The following DISP2 variants were observed in gnomAD, a reference collection of about 807,000 sequenced individuals.
DISP2 encodes the protein protein dispatched homolog 2.
A neutral mutation model predicts 95.5 loss-of-function variants in DISP2; 59 were observed. The observed-to-expected ratio is 0.62, with a 90% CI of 0.50 to 0.77. The LOEUF (loss-of-function observed/expected upper bound fraction) is 0.77, where lower values mean the gene tolerates loss of function less well. DISP2 is among the 30% of genes least tolerant of loss of function. The probability of loss-of-function intolerance (pLI) is 0.00; values close to 1 mark genes in which losing one functional copy is unlikely to be tolerated. For synonymous variants in DISP2, 827 were observed against 815.0 expected (o/e 1.01, Z -0.25); for missense variants, 1,752 against 1,854.6 (o/e 0.94, Z 1.02).
chr15:40,368,376 A>T lies in DISP2; in HGVS notation c.2264A>T (p.Gln755Leu). The T allele has an allele frequency of 6.2e-7, 1 of 1,607,194 alleles. No homozygotes were observed. The highest frequency in any genetic ancestry group is 8.5e-7 in the Non-Finnish European group (1 of 1,179,656). ...GAGCGCTTCGACGCGGAGTATCGCCAGCTGTTCCTGTTCGAGCAGCTGCCG... is the reference window on the plus strand; with the variant it reads ...GAGCGCTTCGACGCGGAGTATCGCCTGCTGTTCCTGTTCGAGCAGCTGCCG... Reference protein sequence around the residue: ...PFERFDAEYRQLFLFEQLPQG... With the variant: ...PFERFDAEYRLLFLFEQLPQG... The change falls in exon 8 of 8, where the codon CAG becomes CTG. Residue 755 changes from glutamine (Q) to leucine (L), a missense_variant. By Grantham distance (113) the Gln-to-Leu change is moderately radical. This residue lies in a region of DISP2 where 732 missense variants were observed against 714.6 expected (regional missense o/e 1.02). Coordinates refer to ENST00000267889, the MANE Select transcript of DISP2 (RefSeq NM_033510.3).
chr15:40,361,837 A>G (rs7165012), intron 1 of DISP2, among the ~76,000 whole-genome samples: 91,892 of 152,110 alleles, frequency 0.6, 28,288 homozygotes, highest in East Asian at 0.82. Flanking sequence ...CATAGGTCTG[A>G]CTCTCCTTGG....
Position 40,361,344 on chromosome 15 carries a change from T to C in DISP2, c.120-2281T>C, listed in dbSNP as rs999096782. ...GGACAAATTGTAAATACAAACACAC[T>C]TCTAAAAGTATATGCTCCCTGCTGC... On this transcript the variant is annotated intron_variant, in intron 1 of 7. Transcript: ENST00000267889. 1.2e-4 allele frequency among the ~76,000 whole-genome samples: 19 copies of C among 152,312 alleles called. 1 individual carries two copies. The East Asian group carries it at 2.1e-3, about 17-fold the overall frequency.
In DISP2 at chr15:40,372,401, CTCCAAGTAGCCCATGAGAAGTGG is replaced by C. The variant is rs1466201784; in HGVS notation, c.*2084_*2106del. On this transcript the variant is annotated 3_prime_UTR_variant, in exon 8 of 8. Transcript: ENST00000267889. ...TTTTATTATTGAGACCTACTTCCTA[CTCCAAGTAGCCCATGAGAAGTGG>C]AGCAGAAACCGAAAAGAGACATGGG... 2 of 152,188 alleles carry C rather than the reference CTCCAAGTAGCCCATGAGAAGTGG, an allele frequency of 1.3e-5. No individual in the cohort carries two copies. The highest frequency in any genetic ancestry group is 1.3e-4 in the Admixed American group (2 of 15,280). 9.4% of individuals were successfully genotyped at this position (152,188 alleles called of 1,614,324 possible). A position where few individuals can be genotyped will look rare whatever the true frequency, so the allele number is the denominator to read the frequency against.
chr15:40,366,394 G>GA (rs1032693972), intron 7 of DISP2, among the ~76,000 whole-genome samples: 24 of 152,166 alleles, frequency 1.6e-4, no homozygotes, highest in Admixed American at 4.6e-4. Flanking sequence ...GATAGAAGTT[G>GA]AAAAAATACA....
chr15:40,367,697 T>G lies in DISP2; in HGVS notation c.1585T>G (p.Phe529Val). 1 of 1,613,870 alleles carries G rather than the reference T, an allele frequency of 6.2e-7. No individual in the cohort carries two copies. Among genetic ancestry groups the G allele is most frequent in the Non-Finnish European group, 8.5e-7 (1 of 1,180,030 alleles). Reference sequence around the variant, plus strand: ...GCTGGGCTCACTGCTGGTGGCCTTCTTCCTTTACCAGGTGGCCTTCCGCAT... The same window carrying G: ...GCTGGGCTCACTGCTGGTGGCCTTCGTCCTTTACCAGGTGGCCTTCCGCAT... ...GVLGSLLVAFFLYQVAFRMAY... is the reference protein window; with the variant it reads ...GVLGSLLVAFVLYQVAFRMAY... Residue 529 changes from phenylalanine (F) to valine (V), a missense_variant, in exon 8 of 8, where the codon TTC becomes GTC. Phe to Val is a conservative substitution (Grantham distance 50). Transcript: ENST00000267889.
rs528834328 is a variant in DISP2, at chr15:40,368,425, C to A, written c.2313C>A (p.Pro771=). The A allele has an allele frequency of 6.2e-7, 1 of 1,609,504 alleles. No homozygotes were observed. ...QLPQGEGGHM[P]VVLVWGVLPV... Reference sequence around the variant, plus strand: ...CGCAGGGCGAGGGCGGCCACATGCCCGTGGTTTTGGTGTGGGGCGTCCTGC... The same window carrying A: ...CGCAGGGCGAGGGCGGCCACATGCCAGTGGTTTTGGTGTGGGGCGTCCTGC... Residue 771 remains proline (P), a synonymous_variant, in exon 8 of 8, where the codon CCC becomes CCA. Coordinates refer to ENST00000267889, the MANE Select transcript of DISP2 (RefSeq NM_033510.3).
rs1199346832 is a variant in DISP2 at position 40,367,811 on chromosome 15, C to T, written c.1699C>T (p.Arg567Cys). ...CACGCTCATCTTCTTCGACCTGTGGCGCCTTAGCAAGAGCCAGCTGCCGTC... is the reference window on the plus strand; with the variant it reads ...CACGCTCATCTTCTTCGACCTGTGGTGCCTTAGCAAGAGCCAGCTGCCGTC... Reference protein sequence around the residue: ...NHTLIFFDLWRLSKSQLPSGG... With the variant: ...NHTLIFFDLWCLSKSQLPSGG... The change falls in exon 8 of 8, where the codon CGC becomes TGC. Residue 567 changes from arginine (R) to cysteine (C), a missense_variant. Arg to Cys is a radical substitution (Grantham distance 180). Coordinates refer to ENST00000267889, the MANE Select transcript of DISP2 (RefSeq NM_033510.3). 6.9e-6 allele frequency: 11 copies of T among 1,604,866 alleles called. No homozygotes were observed. Among genetic ancestry groups the T allele is most frequent in the East Asian group, 2.2e-5 (1 of 44,874 alleles).
chr15:40,364,734 C>T, intron 4 of DISP2, 104 bp from the exon 5 acceptor site: 1 of 1,385,332 alleles, frequency 7.2e-7, no homozygotes, highest in South Asian at 1.4e-5. Flanking sequence ...GGCAGGCGGG[C>T]TGGCCTTCCC....
At position 40,358,257 on chromosome 15, in the gene DISP2, G is replaced by GCCGCCGCCACCA; in HGVS notation, c.-57_-56insACCACCGCCGCC. On this transcript the variant is annotated 5_prime_UTR_variant, in exon 1 of 8. Transcript: ENST00000267889. Reference sequence around the variant, plus strand: ...CCCCGCCGCCGCTGCCGCCGCCACCGCCGCCGCCGCCGCCGCCGCCGCGGC... The same window carrying GCCGCCGCCACCA: ...CCCCGCCGCCGCTGCCGCCGCCACCGCCGCCGCCACCACCGCCGCCGCCGCCGCCGCCGCGGC... 5.8e-6 allele frequency: 5 copies of GCCGCCGCCACCA among 857,886 alleles called. No homozygotes were observed. Among genetic ancestry groups the GCCGCCGCCACCA allele is most frequent in the Non-Finnish European group, 7.2e-6 (5 of 692,446 alleles). The allele number at this position is 857,886 out of a possible 1,614,324, so 53.1% of individuals were successfully genotyped here.
In DISP2 at chr15:40,370,105, C is replaced by A; in HGVS notation, c.3993C>A (p.Gly1331=). ...CTGGGCAGCCAGTCCTTGAGCGAGG[C>A]CAGCTCAATGGGAAGCGGGACACCC... ...DDTGQPVLER[G]QLNGKRDTLW... The change falls in exon 8 of 8, where the codon GGC becomes GGA. Residue 1331 remains glycine (G), a synonymous_variant. Coordinates refer to ENST00000267889, the MANE Select transcript of DISP2 (RefSeq NM_033510.3). 3 of 1,609,978 alleles carry A rather than the reference C, an allele frequency of 1.9e-6. No individual in the cohort carries two copies. Among genetic ancestry groups the A allele is most frequent in the Non-Finnish European group, 2.5e-6 (3 of 1,177,926 alleles).
rs1286138154 is a variant in DISP2 at position 40,370,226 on chromosome 15, G to A, written c.4114G>A (p.Gly1372Ser). 1.2e-6 allele frequency: 2 copies of A among 1,605,578 alleles called. No individual in the cohort carries two copies. Among genetic ancestry groups the A allele is most frequent in the Non-Finnish European group, 1.7e-6 (2 of 1,176,370 alleles). Residue 1372 changes from glycine (G) to serine (S), a missense_variant, in exon 8 of 8, where the codon GGC becomes AGC. This residue lies in a region of DISP2 where 347 missense variants were observed against 344.2 expected (regional missense o/e 1.01). Transcript: ENST00000267889. The stretch of plus-strand genomic sequence containing the variant: ...GAAGGGCCGAGGGGGGCCAGGGGAT[G>A]GCAGCCCTGTGGTGCTGCCCAATAG... ...SWKGRGGPGD[G>S]SPVVLPNSQP...
Position 40,368,283 on chromosome 15 carries a change from GC to G in DISP2, c.2176del (p.Arg726AlafsTer71), listed in dbSNP as rs776564919. ...AAGGAYIAGV[S>X]PRLRLPTLPP... The stretch of plus-strand genomic sequence containing the variant: ...GGGGGCGCCTACATCGCCGGAGTCA[GC>G]CCCCGCCTGCGGCTGCCCACGCTGC... On this transcript the variant is annotated frameshift_variant, in exon 8 of 8. Coordinates refer to ENST00000267889, the MANE Select transcript of DISP2 (RefSeq NM_033510.3). LOFTEE classifies it high-confidence loss of function. 6 of 1,606,962 alleles carry G rather than the reference GC, an allele frequency of 3.7e-6. No individual in the cohort carries two copies. Among genetic ancestry groups the G allele is most frequent in the Non-Finnish European group, 5.1e-6 (6 of 1,177,608 alleles).
chr15:40,358,317 C>A lies in DISP2; in HGVS notation c.-5C>A. On this transcript the variant is annotated 5_prime_UTR_variant, in exon 1 of 8. Coordinates refer to ENST00000267889, the MANE Select transcript of DISP2 (RefSeq NM_033510.3). ...AGCGCCCGGACAGCGGTGCCGCCCA[C>A]GGGCATGGACGGTGACAGCAGCAGC... is the stretch of plus-strand genomic sequence containing the variant. The A allele has an allele frequency of 7.5e-7, 1 of 1,330,710 alleles. No homozygotes were observed. Among genetic ancestry groups the A allele is most frequent in the Non-Finnish European group, 9.6e-7 (1 of 1,041,644 alleles). The allele number at this position is 1,330,710 out of a possible 1,614,324, so 82.4% of individuals were successfully genotyped here.
Position 40,358,277 on chromosome 15 carries a change from C to CGCA in DISP2, c.-43_-42insAGC. 2 of 1,218,886 alleles carry CGCA rather than the reference C, an allele frequency of 1.6e-6. No individual in the cohort carries two copies. Among genetic ancestry groups the CGCA allele is most frequent in the Non-Finnish European group, 1.0e-6 (1 of 981,986 alleles). The allele number at this position is 1,218,886 out of a possible 1,614,324, so 75.5% of individuals were successfully genotyped here. A position where few individuals can be genotyped will look rare whatever the true frequency, so the allele number is the denominator to read the frequency against. ...CCACCGCCGCCGCCGCCGCCGCCGC[C>CGCA]GCGGCTTCAGCACCAGCGCCCGGAC... On this transcript the variant is annotated 5_prime_UTR_variant, in exon 1 of 8. Transcript: ENST00000267889.
Position 40,368,159 on chromosome 15 carries a change from G to C in DISP2, c.2047G>C (p.Ala683Pro), listed in dbSNP as rs749305114. 1 of 1,542,908 alleles carries C rather than the reference G, an allele frequency of 6.5e-7. No individual in the cohort carries two copies. The highest frequency in any genetic ancestry group is 1.2e-5 in the South Asian group (1 of 84,246). The change falls in exon 8 of 8, where the codon GCG becomes CCG. Residue 683 changes from alanine (A) to proline (P), a missense_variant. Coordinates refer to ENST00000267889, the MANE Select transcript of DISP2 (RefSeq NM_033510.3). ...HRRLRGLRRA[A>P]AGTSRLLFQR... ...GCGGCTCCGCGGCCTGCGGAGGGCGGCGGCTGGCACCTCGCGTCTGCTCTT... is the reference window on the plus strand; with the variant it reads ...GCGGCTCCGCGGCCTGCGGAGGGCGCCGGCTGGCACCTCGCGTCTGCTCTT...
rs1313222648 is a variant in DISP2, at chr15:40,367,302, A to C, written c.1190A>C (p.Gln397Pro). 2.5e-6 allele frequency: 4 copies of C among 1,613,704 alleles called. No homozygotes were observed. Among genetic ancestry groups the C allele is most frequent in the Non-Finnish European group, 3.4e-6 (4 of 1,179,950 alleles). The change falls in exon 8 of 8, where the codon CAG (glutamine) becomes CCG (proline). Residue 397 changes from glutamine (Q) to proline (P), a missense_variant. Gln to Pro is a moderately conservative substitution (Grantham distance 76). Coordinates refer to ENST00000267889, the MANE Select transcript of DISP2 (RefSeq NM_033510.3). Reference sequence around the variant, plus strand: ...CAGAACAAGTCCCCACGCTGTGCCCAGGTTCCCACCAAGTGCTCCCAGAGT... The same window carrying C: ...CAGAACAAGTCCCCACGCTGTGCCCCGGTTCCCACCAAGTGCTCCCAGAGT... Reference protein sequence around the residue: ...PGQNKSPRCAQVPTKCSQSSA... With the variant: ...PGQNKSPRCAPVPTKCSQSSA...
rs1429822790 is a variant in DISP2 at position 40,367,772 on chromosome 15, G to A, written c.1660G>A (p.Val554Ile). 1.2e-6 allele frequency: 2 copies of A among 1,610,028 alleles called. No homozygotes were observed. Among genetic ancestry groups the A allele is most frequent in the East Asian group, 2.2e-5 (1 of 44,860 alleles). ...GGCAGCCCTCCTCCTGCTGAGCAGC[G>A]TCTGCGCCAACCACACGCTCATCTT... The part of the protein sequence containing the change: ...NLAALLLLSS[V>I]CANHTLIFFD... The change falls in exon 8 of 8, where the codon GTC becomes ATC. Residue 554 changes from valine (V) to isoleucine (I), a missense_variant. Val to Ile is a conservative substitution (Grantham distance 29). This residue lies in a region of DISP2 where 732 missense variants were observed against 714.6 expected (regional missense o/e 1.02). Coordinates refer to ENST00000267889, the MANE Select transcript of DISP2 (RefSeq NM_033510.3).
In DISP2 at chr15:40,368,155, G is replaced by A. The variant is rs1308124949; in HGVS notation, c.2043G>A (p.Arg681=). ...ACCGGCGGCTCCGCGGCCTGCGGAG[G>A]GCGGCGGCTGGCACCTCGCGTCTGC... ...ALHRRLRGLR[R]AAAGTSRLLF... The change falls in exon 8 of 8, where the codon AGG becomes AGA. Residue 681 remains arginine, a synonymous_variant. Coordinates refer to ENST00000267889, the MANE Select transcript of DISP2 (RefSeq NM_033510.3). 7.8e-6 allele frequency: 12 copies of A among 1,535,194 alleles called. No individual in the cohort carries two copies. The highest frequency in any genetic ancestry group is 2.4e-5 in the South Asian group (2 of 83,360).
Position 40,369,614 on chromosome 15 carries a change from C to G in DISP2, c.3502C>G (p.Leu1168Val). ...SCSEQYELQP[L>V]ARRRSPSFDT... Reference sequence around the variant, plus strand: ...CTCAGAGCAATATGAGCTACAGCCCCTGGCACGGCGTCGGAGCCCCAGCTT... The same window carrying G: ...CTCAGAGCAATATGAGCTACAGCCCGTGGCACGGCGTCGGAGCCCCAGCTT... The change falls in exon 8 of 8, where the codon CTG becomes GTG. Residue 1168 changes from leucine to valine, a missense_variant. Leu to Val is a conservative substitution (Grantham distance 32). Transcript: ENST00000267889. The G allele has an allele frequency of 6.2e-7, 1 of 1,611,654 alleles. No individual in the cohort carries two copies. The highest frequency in any genetic ancestry group is 8.5e-7 in the Non-Finnish European group (1 of 1,180,006).
Sources: gnomAD v4.1 joint callset for allele counts (sites outside exome capture counted in the v4.1 genomes callset) on GRCh38, gnomAD v4.1.1 for gene constraint, gnomAD v4.1.1 regional missense constraint, MANE v1.5 for transcripts, NCBI Gene and HGNC (gene_info 2026-07-23, HGNC 2026-07-21) for gene names.